PRELID2: variants seen among roughly 807,000 people sequenced by gnomAD.
PRELID2 encodes the protein PRELI domain containing 2.
In PRELID2, 25 loss-of-function variants were observed where a neutral mutation model predicts 28.4. The observed-to-expected ratio is 0.88, with a 90% CI of 0.64 to 1.23. The LOEUF (loss-of-function observed/expected upper bound fraction) is 1.23, where lower values mean the gene tolerates loss of function less well. Among genes scored for constraint, PRELID2 ranks in the 50% most tolerant of loss-of-function variants. The pLI is 0.00. For synonymous variants in PRELID2, 76 were observed against 71.6 expected (o/e 1.06, Z -0.31); for missense variants, 201 against 214.4 (o/e 0.94, Z 0.39).
At chr5:145,337,775 A>G in the PRELID2 span, among the ~76,000 whole-genome samples, 1 of 147,834 alleles carries the variant, frequency 6.8e-6, no homozygotes, top group East Asian at 2.0e-4. Flanking sequence ...ACACGTACAT[A>G]TAAATGGCAA....
In PRELID2 at chr5:145,518,009, G is replaced by A. The variant is rs191632916; in HGVS notation, n.71-44694C>T. On this transcript the variant is annotated intron_variant and non_coding_transcript_variant, in intron 1 of 2. Transcript: ENST00000510259. ...CCTGTCAGTGGGTGGTGGGCTAGGGGACCGATAGCATTAGGAGAAATACCT... is the reference window on the plus strand; with the variant it reads ...CCTGTCAGTGGGTGGTGGGCTAGGGAACCGATAGCATTAGGAGAAATACCT... 5.9e-5 allele frequency among the ~76,000 whole-genome samples: 9 copies of A among 152,074 alleles called. No individual in the cohort carries two copies. In the East Asian group the frequency reaches 1.5e-3, roughly 26 times the overall value.
chr5:145,299,658 T>A, the PRELID2 span, among the ~76,000 whole-genome samples: 3 of 151,570 alleles, frequency 2.0e-5, no homozygotes, highest in Non-Finnish European at 4.4e-5. Flanking sequence ...TGTGTGTGTG[T>A]GTGTGTGTGT....
chr5:145,422,981 T>C, the PRELID2 span, among the ~76,000 whole-genome samples: 1 of 149,426 alleles, frequency 6.7e-6, no homozygotes, highest in Non-Finnish European at 1.5e-5. Flanking sequence ...ATTTTATTTC[T>C]CCTTCACTTA....
chr5:145,480,219 A>T (rs115013414), intron 1 of PRELID2, among the ~76,000 whole-genome samples: 72 of 152,342 alleles, frequency 4.7e-4, no homozygotes, highest in Non-Finnish European at 8.8e-4. Context: ...CTAATGACTT[A>T]CTGGAAGAAA....
intron 1 of PRELID2, among the ~76,000 whole-genome samples, chr5:145,685,388 T>C (rs935470582): frequency 2.4e-4 from 36 of 152,270 alleles, no homozygotes; most frequent in Admixed American, 4.6e-4. Context: ...TCTTTGCAAA[T>C]GTTATTCTTG....
chr5:145,258,315 G>A, the PRELID2 span, among the ~76,000 whole-genome samples: 2 of 152,196 alleles, frequency 1.3e-5, no homozygotes, highest in African/African-American at 4.8e-5. Flanking sequence ...GGTTAGAAGA[G>A]TTTGGTGGGT....
intron 1 of PRELID2, among the ~76,000 whole-genome samples, chr5:145,581,192 C>G (rs1354420563): frequency 3.3e-5 from 5 of 152,000 alleles, no homozygotes; most frequent in Non-Finnish European, 7.4e-5. Flanking sequence ...ATTTAGATAT[C>G]CCTTCCTGAG....
chr5:145,688,729 T>C (rs1487819542), intron 1 of PRELID2, among the ~76,000 whole-genome samples: 1 of 152,162 alleles, frequency 6.6e-6, no homozygotes, highest in Non-Finnish European at 1.5e-5. Flanking sequence ...GGAAGACCCA[T>C]GTACCTAGAG....
the PRELID2 span, among the ~76,000 whole-genome samples, chr5:145,269,912 A>G: frequency 2.8e-4 from 41 of 146,882 alleles, no homozygotes; most frequent in African/African-American, 1.0e-3. Flanking sequence ...ACATACATAC[A>G]TATATATACT....
intron 1 of PRELID2, among the ~76,000 whole-genome samples, chr5:145,706,987 A>G (rs1275111586): frequency 6.6e-6 from 1 of 152,196 alleles, no homozygotes; most frequent in Non-Finnish European, 1.5e-5. Context: ...CCTCATCCTC[A>G]GGCCTGCTCA....
intron 1 of PRELID2, among the ~76,000 whole-genome samples, chr5:145,517,489 AAC>A (rs2126646347): frequency 6.6e-6 from 1 of 152,314 alleles, no homozygotes; most frequent in East Asian, 1.9e-4. Flanking sequence ...GTCAGGAAAC[AAC>A]AGATTCTGGA....
At chr5:145,503,161 A>G (rs1752374496) in intron 1 of PRELID2, among the ~76,000 whole-genome samples, 1 of 151,882 alleles carries the variant, frequency 6.6e-6, no homozygotes, top group African/African-American at 2.4e-5. Flanking sequence ...ACAGAACCTA[A>G]CTCTCCCATC....
At chr5:145,683,533 C>A (rs1754978721) in intron 1 of PRELID2, among the ~76,000 whole-genome samples, 1 of 152,142 alleles carries the variant, frequency 6.6e-6, no homozygotes, top group African/African-American at 2.4e-5. Context: ...AGATGGCCAC[C>A]TTCTCGCTAT....
chr5:145,340,009 G>C, the PRELID2 span, among the ~76,000 whole-genome samples: 1 of 152,106 alleles, frequency 6.6e-6, no homozygotes, highest in East Asian at 1.9e-4. Context: ...CCTACGCTGA[G>C]CTAGCTGAGA....
the PRELID2 span, among the ~76,000 whole-genome samples, chr5:145,326,701 G>A: frequency 1.3e-5 from 2 of 151,992 alleles, no homozygotes; most frequent in Non-Finnish European, 2.9e-5. Context: ...AACAAGTGGT[G>A]AAAGAACAAT....
the PRELID2 span, among the ~76,000 whole-genome samples, chr5:145,403,908 G>T: frequency 6.6e-6 from 1 of 152,152 alleles, no homozygotes; most frequent in Non-Finnish European, 1.5e-5. Context: ...ATGTTAGCTC[G>T]CAGGAAAGTT....
the PRELID2 span, among the ~76,000 whole-genome samples, chr5:145,262,783 A>G: frequency 6.6e-6 from 1 of 152,312 alleles, no homozygotes; most frequent in East Asian, 1.9e-4. Flanking sequence ...CAATGAAAAA[A>G]AAACACAAAG....
chr5:145,422,164 A>G, the PRELID2 span, among the ~76,000 whole-genome samples: 1 of 146,910 alleles, frequency 6.8e-6, no homozygotes, highest in Admixed American at 6.9e-5. Flanking sequence ...TATGTGGTCA[A>G]TTTTGGAATA....
chr5:145,770,675 G>A (rs1050253027), intron 5 of PRELID2, among the ~76,000 whole-genome samples: 2 of 152,190 alleles, frequency 1.3e-5, no homozygotes, highest in Admixed American at 6.5e-5. Flanking sequence ...TCCTGATTCT[G>A]TGTAGGCCTA....
Sources: gnomAD v4.1 joint callset for allele counts (sites outside exome capture counted in the v4.1 genomes callset) on GRCh38, gnomAD v4.1.1 for gene constraint, MANE v1.5 for transcripts, NCBI Gene and HGNC (gene_info 2026-07-23, HGNC 2026-07-21) for gene names.